DMKN: variants seen among roughly 807,000 people sequenced by gnomAD.
The protein encoded by DMKN is dermokine, also known as epidermis-specific secreted protein SK30/SK89.
Under a neutral mutation model 67.6 loss-of-function variants are expected in DMKN, and 58 were observed. The observed-to-expected ratio is 0.86, with a 90% confidence interval of 0.69 to 1.07. The LOEUF (loss-of-function observed/expected upper bound fraction) is 1.07. Among genes scored for constraint, DMKN ranks in the 50% least tolerant of loss-of-function variants. DMKN has a pLI of 0.00. For synonymous variants in DMKN, 240 were observed against 232.3 expected (o/e 1.03, Z -0.30); for missense variants, 596 against 601.5 (o/e 0.99, Z 0.10).
chr19:35,504,942 A>G (rs975098578), intron 9 of DMKN, among the ~76,000 whole-genome samples: 3 of 151,276 alleles, frequency 2.0e-5, no homozygotes, highest in African/African-American at 7.3e-5. Context: ...CAGTGTTACC[A>G]AAGTTTTTGA....
Position 35,505,727 on chromosome 19 carries a change from G to A in DMKN, c.1125C>T (p.Ala375=), listed in dbSNP as rs1421477453. ...KSKLGFINWD[A]INKNQVPPPS... ...GATGTCCAGCCCTTACCTTGTTTAT[G>A]GCATCCCAGTTGATGAAACCCAGCT... The change falls in exon 9 of 16, where the codon GCC becomes GCT. Residue 375 remains alanine (A), a synonymous_variant. Transcript: ENST00000339686. 6.2e-7 allele frequency: 1 copy of A among 1,614,108 alleles called. No homozygotes were observed. The highest frequency in any genetic ancestry group is 1.1e-5 in the South Asian group (1 of 91,082).
chr19:35,499,772 C>T (rs2068041218), intron 13 of DMKN, 186 bp downstream of exon 13: 1 of 608,976 alleles, frequency 1.6e-6, no homozygotes, highest in Non-Finnish European at 2.9e-6. Context: ...AACCCTCCTG[C>T]CCTCCACTTC....
intron 13 of DMKN, chr19:35,499,243 C>G (rs1599794131): frequency 2.8e-6 from 1 of 351,912 alleles, no homozygotes; most frequent in South Asian, 3.2e-5. Flanking sequence ...AGAGTGGAAG[C>G]CACAGGCAGT....
At chr19:35,510,728 T>C (rs780038622) in intron 5 of DMKN, among the ~76,000 whole-genome samples, 8 of 152,216 alleles carry the variant, frequency 5.3e-5, no homozygotes, top group Non-Finnish European at 1.0e-4. Flanking sequence ...CACCTCCTCC[T>C]GTCTGACACT....
intron 13 of DMKN, chr19:35,499,325 G>A (rs1568556377): frequency 8.7e-6 from 2 of 230,300 alleles, no homozygotes; most frequent in East Asian, 2.5e-4. Flanking sequence ...CTCCCCAAGG[G>A]CGGGGACTTT....
rs1242048618 is a variant in DMKN, at chr19:35,510,181, C to T, written c.987+3G>A. On this transcript the variant is annotated splice_donor_region_variant and intron_variant, in intron 6 of 15. Transcript: ENST00000339686. ...TGGTGGGAGATTCACGCCAGCCACT[C>T]ACCCCGGGTTTATGTCCATTTCCTC... is the stretch of plus-strand genomic sequence containing the variant. 23 of 1,606,850 alleles carry T rather than the reference C, an allele frequency of 1.4e-5. No homozygotes were observed. The highest frequency in any genetic ancestry group is 2.0e-5 in the Non-Finnish European group (23 of 1,176,550).
chr19:35,508,344 G>T (rs1236459750), intron 7 of DMKN: 3 of 1,409,942 alleles, frequency 2.1e-6, no homozygotes, highest in Non-Finnish European at 2.9e-6. Context: ...AATCCTAATG[G>T]CACTCTCTTT....
At chr19:35,507,031 C>T (rs1599956401) in intron 7 of DMKN, 1 of 175,676 alleles carries the variant, frequency 5.7e-6, no homozygotes, top group Non-Finnish European at 1.2e-5. Context: ...TGGTCTCAAA[C>T]TTCTGGGCTC....
chr19:35,499,930 G>T (rs200896573), intron 13 of DMKN, 28 bp downstream of exon 13: 4 of 1,612,406 alleles, frequency 2.5e-6, no homozygotes, highest in Non-Finnish European at 3.4e-6. Flanking sequence ...AGCCCCCAGC[G>T]GGAAGACAGG....
At chr19:35,507,748 T>C (rs2069863746) in intron 7 of DMKN, 3 of 526,870 alleles carry the variant, frequency 5.7e-6, no homozygotes, top group East Asian at 6.2e-5. Context: ...ACGATGTCCA[T>C]AGATAACATC....
intron 1 of DMKN, 53 bp from the exon 2 acceptor site, chr19:35,512,843 G>T: frequency 6.3e-7 from 1 of 1,578,646 alleles, no homozygotes. Flanking sequence ...CCCTGGTAGA[G>T]AAGAGCCAGG....
At chr19:35,500,177 A>C in intron 12 of DMKN, 148 bp from the exon 13 acceptor site, 2 of 1,184,348 alleles carry the variant, frequency 1.7e-6, no homozygotes, top group Non-Finnish European at 2.4e-6. Flanking sequence ...CTTTTATACA[A>C]TCTCCTCCAG....
intron 9 of DMKN, chr19:35,503,264 G>T: frequency 6.8e-7 from 1 of 1,475,426 alleles, no homozygotes; most frequent in Non-Finnish European, 9.0e-7. Context: ...CACCACCCTG[G>T]ATAACAGCGG....
chr19:35,509,706 G>C, intron 7 of DMKN: 2 of 587,922 alleles, frequency 3.4e-6, no homozygotes, highest in Non-Finnish European at 6.0e-6. Context: ...TATAAGGTGA[G>C]GTATATCACA....
At chr19:35,499,860 T>TCCGGCAACCAACCGAGAGGACC in intron 13 of DMKN, 98 bp downstream of exon 13, 6 of 1,355,906 alleles carry the variant, frequency 4.4e-6, no homozygotes, top group Non-Finnish European at 6.2e-6. Flanking sequence ...GGATCCGGCC[T>TCCGGCAACCAACCGAGAGGACC]CCGGCAACCA....
At chr19:35,507,315 T>C (rs972591475) in intron 7 of DMKN, 2 of 683,400 alleles carry the variant, frequency 2.9e-6, no homozygotes, top group South Asian at 4.3e-5. Context: ...CCCAGAACCC[T>C]GTTTTGGTCT....
intron 15 of DMKN, 45 bp from the exon 16 acceptor site, chr19:35,497,583 C>G (rs563337547): frequency 6.6e-6 from 1 of 152,380 alleles, no homozygotes; most frequent in Non-Finnish European, 1.5e-5. Context: ...CACTCCTAAG[C>G]CTGCGGAAAC....
chr19:35,507,818 C>A (rs1395970966), intron 7 of DMKN: 1 of 437,970 alleles, frequency 2.3e-6, no homozygotes, highest in Non-Finnish European at 4.1e-6. Context: ...GAGGGCTTTG[C>A]CAGCAAAGCA....
chr19:35,501,438 C>T (rs1254822022), intron 11 of DMKN, among the ~76,000 whole-genome samples: 1 of 152,228 alleles, frequency 6.6e-6, no homozygotes, highest in African/African-American at 2.4e-5. Flanking sequence ...CAACACGCCA[C>T]CCTGTTCACA....
Sources: allele counts gnomAD v4.1 joint callset (sites outside exome capture counted in the v4.1 genomes callset), GRCh38; gene constraint gnomAD v4.1.1; transcripts MANE v1.5; gene names NCBI Gene and HGNC (gene_info 2026-07-23, HGNC 2026-07-21).